Variants in BRINP3 observed in about 807,000 individuals in gnomAD.
The protein encoded by BRINP3 is BMP/retinoic acid inducible neural specific 3.
A neutral mutation model predicts 71.0 loss-of-function variants in BRINP3; 19 were observed. The ratio of observed to expected loss-of-function variants is 0.27; its 90% CI spans 0.19 to 0.39. BRINP3 has a LOEUF of 0.39. BRINP3 is among the 10% of genes least tolerant of loss of function. BRINP3 has a pLI of 1.00. For missense variants in BRINP3, 959 were observed against 940.8 expected, an observed-to-expected ratio of 1.02 and a Z score of -0.25; for synonymous variants, 380 against 337.7, an observed-to-expected ratio of 1.13 and a Z score of -1.37.
chr1:190,418,859 T>C (rs1372100414), intron 2 of BRINP3, among the ~76,000 whole-genome samples: 1 of 152,274 alleles, frequency 6.6e-6, no homozygotes, highest in East Asian at 1.9e-4. Context: ...ACACTCATTG[T>C]ATTGTTTTCA....
intron 7 of BRINP3, among the ~76,000 whole-genome samples, chr1:190,102,015 C>T (rs1209017120): frequency 6.6e-6 from 1 of 152,064 alleles, no homozygotes; most frequent in Non-Finnish European, 1.5e-5. Flanking sequence ...AGCATACTGC[C>T]AAAGCTCTGG....
intron 2 of BRINP3, among the ~76,000 whole-genome samples, chr1:190,334,488 T>C (rs1214157483): frequency 1.3e-5 from 2 of 151,830 alleles, no homozygotes; most frequent in Admixed American, 6.6e-5. Context: ...ATATTATCGC[T>C]GGAGGGAGAT....
chr1:190,190,620 G>A (rs1043520565), intron 6 of BRINP3, among the ~76,000 whole-genome samples: 8 of 152,006 alleles, frequency 5.3e-5, no homozygotes, highest in Non-Finnish European at 1.2e-4. Flanking sequence ...CTACTGTAGA[G>A]CATACTGATT....
chr1:190,363,959 A>G (rs1228200326), intron 2 of BRINP3, among the ~76,000 whole-genome samples: 2 of 152,264 alleles, frequency 1.3e-5, no homozygotes, highest in Non-Finnish European at 1.5e-5. Context: ...AATTTTGGAA[A>G]TGCAGTGTTT....
At chr1:190,355,872 T>C (rs1571844235) in intron 2 of BRINP3, among the ~76,000 whole-genome samples, 1 of 152,050 alleles carries the variant, frequency 6.6e-6, no homozygotes, top group South Asian at 2.1e-4. Flanking sequence ...TAGAATGTCC[T>C]TTCTTTAAAG....
At chr1:190,314,967 G>A (rs538016046) in intron 2 of BRINP3, among the ~76,000 whole-genome samples, 2 of 152,114 alleles carry the variant, frequency 1.3e-5, no homozygotes, top group African/African-American at 4.8e-5. Context: ...CTTTATCAGG[G>A]GGCTAAAATA....
chr1:190,412,084 T>C (rs1672704086), intron 2 of BRINP3, among the ~76,000 whole-genome samples: 1 of 152,068 alleles, frequency 6.6e-6, no homozygotes, highest in Admixed American at 6.6e-5. Flanking sequence ...GATTGAATAT[T>C]GGAAGAAATA....
intron 6 of BRINP3, among the ~76,000 whole-genome samples, chr1:190,183,333 A>C (rs1016211593): frequency 1.3e-5 from 2 of 152,094 alleles, no homozygotes; most frequent in Non-Finnish European, 2.9e-5. Flanking sequence ...GTTTAAAAAA[A>C]TTAAATTTGG....
chr1:190,318,702 T>C (rs1666044562), intron 2 of BRINP3, among the ~76,000 whole-genome samples: 1 of 152,118 alleles, frequency 6.6e-6, no homozygotes, highest in Admixed American at 6.6e-5. Flanking sequence ...CCCTGAATTA[T>C]GAAGCTGGGA....
intron 2 of BRINP3, among the ~76,000 whole-genome samples, chr1:190,406,900 T>C (rs1285627674): frequency 6.6e-6 from 1 of 152,212 alleles, no homozygotes. Flanking sequence ...AAAGTTTCAC[T>C]TGAATATAAT....
chr1:190,245,176 A>T, intron 4 of BRINP3, among the ~76,000 whole-genome samples: 1 of 151,956 alleles, frequency 6.6e-6, no homozygotes, highest in East Asian at 1.9e-4. Context: ...ACTCAAGCAT[A>T]ATTAGAAAGA....
At chr1:190,151,596 A>G (rs1656400625) in intron 7 of BRINP3, among the ~76,000 whole-genome samples, 1 of 152,232 alleles carries the variant, frequency 6.6e-6, no homozygotes, top group South Asian at 2.1e-4. Flanking sequence ...AAAGGTTATA[A>G]GAAAGAAATC....
At chr1:190,248,272 A>C (rs1659799867) in intron 4 of BRINP3, among the ~76,000 whole-genome samples, 1 of 151,436 alleles carries the variant, frequency 6.6e-6, no homozygotes, top group Non-Finnish European at 1.5e-5. Context: ...TTTTTTTTAA[A>C]TTCATTGTAT....
intron 6 of BRINP3, among the ~76,000 whole-genome samples, chr1:190,205,277 G>A (rs1052745634): frequency 1.3e-4 from 20 of 148,194 alleles, no homozygotes; most frequent in African/African-American, 4.7e-4. Flanking sequence ...CAGAATCTTC[G>A]CAAGCCAGTA....
intron 3 of BRINP3, among the ~76,000 whole-genome samples, chr1:190,278,385 T>C (rs1173497485): frequency 6.6e-6 from 1 of 151,584 alleles, no homozygotes; most frequent in African/African-American, 2.4e-5. Flanking sequence ...TTTTTTTAAA[T>C]GGAGAAATAC....
chr1:190,158,868 G>GAGA (rs1558019258), intron 7 of BRINP3, among the ~76,000 whole-genome samples: 2 of 148,548 alleles, frequency 1.3e-5, no homozygotes, highest in Non-Finnish European at 3.0e-5. Context: ...ACAGGGAGGG[G>GAGA]GAGAGAGAGA....
intron 6 of BRINP3, among the ~76,000 whole-genome samples, chr1:190,209,669 C>T (rs1655816954): frequency 6.6e-6 from 1 of 152,212 alleles, no homozygotes; most frequent in Admixed American, 6.5e-5. Flanking sequence ...TAAATATCTG[C>T]TTTGAGAGAT....
chr1:190,451,070 T>A (rs755250284), intron 2 of BRINP3, among the ~76,000 whole-genome samples: 2 of 152,176 alleles, frequency 1.3e-5, no homozygotes, highest in Non-Finnish European at 2.9e-5. Flanking sequence ...CACATCAAGT[T>A]GTGATAATAT....
intron 3 of BRINP3, among the ~76,000 whole-genome samples, chr1:190,276,062 A>T (rs1195543175): frequency 6.6e-6 from 1 of 151,516 alleles, no homozygotes; most frequent in Admixed American, 6.6e-5. Context: ...TCAGTACAGC[A>T]GTCCTTTTCT....
Sources: gnomAD v4.1 joint callset for allele counts (sites outside exome capture counted in the v4.1 genomes callset) on GRCh38, gnomAD v4.1.1 for gene constraint, MANE v1.5 for transcripts, NCBI Gene and HGNC (gene_info 2026-07-23, HGNC 2026-07-21) for gene names.